LIPC: variants seen among roughly 807,000 people sequenced by gnomAD.
The protein encoded by LIPC is lipase C, hepatic type, also known as hepatic triacylglycerol lipase.
Under a neutral mutation model 50.7 loss-of-function variants are expected in LIPC, and 44 were observed. That is an observed-to-expected ratio of 0.87 (90% CI 0.68 to 1.11). The LOEUF (loss-of-function observed/expected upper bound fraction) is 1.11. Ranked by LOEUF, LIPC falls within the 50% of genes most tolerant of loss-of-function variation. LIPC has a pLI of 0.00. For missense variants in LIPC, 697 were observed against 648.2 expected (o/e 1.08, Z -0.82); for synonymous variants, 271 against 256.4 (o/e 1.06, Z -0.54).
chr15:58,481,714 G>C (rs1891195818), intron 1 of LIPC, among the ~76,000 whole-genome samples: 1 of 152,204 alleles, frequency 6.6e-6, no homozygotes, highest in Non-Finnish European at 1.5e-5. Context: ...AGGGAGAATT[G>C]CTTGAACCTG....
chr15:58,451,230 G>A (rs1488706907), intron 1 of LIPC, among the ~76,000 whole-genome samples: 1 of 152,118 alleles, frequency 6.6e-6, no homozygotes, highest in African/African-American at 2.4e-5. Flanking sequence ...TGGGGTGGAG[G>A]AAAGTCAACA....
chr15:58,513,154 G>T lies in LIPC; in HGVS notation c.89-25179G>T, dbSNP rs117697391. On this transcript the variant is annotated intron_variant, in intron 1 of 8. Transcript: ENST00000299022. ...CCGCTCAGCACAGTCTGGAATCAAGGGTTCATTTAATGGAAGCTTAACAGA... is the reference window on the plus strand; with the variant it reads ...CCGCTCAGCACAGTCTGGAATCAAGTGTTCATTTAATGGAAGCTTAACAGA... Among the ~76,000 whole-genome samples the T allele has an allele frequency of 4.3e-4, 66 of 152,178 alleles. No individual in the cohort carries two copies. The East Asian group carries it at 0.011, about 25-fold the overall frequency.
intron 1 of LIPC, among the ~76,000 whole-genome samples, chr15:58,508,064 C>T (rs995040168): frequency 1.3e-5 from 2 of 152,218 alleles, no homozygotes; most frequent in Non-Finnish European, 2.9e-5. Context: ...TGTTGACAGA[C>T]TTCAGTCTTT....
rs540852335 is a variant in LIPC at position 58,450,187 on chromosome 15, G to A, written c.88+18067G>A. On this transcript the variant is annotated intron_variant, in intron 1 of 8. Coordinates refer to ENST00000299022, the MANE Select transcript of LIPC (RefSeq NM_000236.3). ...CTTCTGGTCTTTCGCGTTTCTGAGC[G>A]TGGTGTGGAAACTGAGTCAGGAGCT... 8.5e-5 allele frequency among the ~76,000 whole-genome samples: 13 copies of A among 152,334 alleles called. 1 individual carries two copies. The South Asian group carries it at 1.4e-3, about 17-fold the overall frequency.
At chr15:58,488,862 A>G (rs1444334383) in intron 1 of LIPC, among the ~76,000 whole-genome samples, 1 of 152,180 alleles carries the variant, frequency 6.6e-6, no homozygotes, top group Non-Finnish European at 1.5e-5. Flanking sequence ...TCCCTATTAC[A>G]TCTCAGGATG....
At chr15:58,501,368 G>T (rs34101191) in intron 1 of LIPC, among the ~76,000 whole-genome samples, 9 of 139,866 alleles carry the variant, frequency 6.4e-5, no homozygotes, top group African/African-American at 1.6e-4. Flanking sequence ...TTTTTTTAAT[G>T]CCTGAAGTTT....
chr15:58,491,700 T>C (rs1377643903), intron 1 of LIPC, among the ~76,000 whole-genome samples: 3 of 152,174 alleles, frequency 2.0e-5, no homozygotes, highest in African/African-American at 4.8e-5. Flanking sequence ...TGGTAAAACT[T>C]CTGGGACAAG....
chr15:58,538,646 C>T (rs1893223231), intron 2 of LIPC, 129 bp downstream of exon 2: 7 of 918,762 alleles, frequency 7.6e-6, no homozygotes, highest in South Asian at 5.5e-5. Flanking sequence ...TTATGAAGCA[C>T]GTTCTAATTT....
chr15:58,546,011 A>G (rs1363934732), intron 5 of LIPC, 36 bp downstream of exon 5: 1 of 1,499,420 alleles, frequency 6.7e-7, no homozygotes, highest in Non-Finnish European at 9.3e-7. Context: ...GCACCGGCCT[A>G]CATTTCAATG....
intron 1 of LIPC, among the ~76,000 whole-genome samples, chr15:58,451,252 A>G (rs1309592830): frequency 6.6e-6 from 1 of 152,214 alleles, no homozygotes; most frequent in Non-Finnish European, 1.5e-5. Context: ...ATTTGGAGAT[A>G]CGAAAAAGGC....
intron 1 of LIPC, among the ~76,000 whole-genome samples, chr15:58,500,620 T>C (rs758728835): frequency 5.9e-5 from 9 of 152,182 alleles, no homozygotes; most frequent in Non-Finnish European, 1.2e-4. Context: ...ACTGTTTTCA[T>C]ATGTGCTGCT....
At chr15:58,533,082 C>G in intron 1 of LIPC, 4 of 812,748 alleles carry the variant, frequency 4.9e-6, no homozygotes, top group Non-Finnish European at 5.9e-6. Context: ...GATCACTTAC[C>G]TCAATTTAAT....
At chr15:58,492,147 G>C (rs1353692110) in intron 1 of LIPC, among the ~76,000 whole-genome samples, 1 of 152,092 alleles carries the variant, frequency 6.6e-6, no homozygotes. Context: ...AGAAGAACAA[G>C]CACCCTCCCC....
chr15:58,516,862 T>A (rs1892502745), intron 1 of LIPC, among the ~76,000 whole-genome samples: 2 of 152,240 alleles, frequency 1.3e-5, no homozygotes, highest in Admixed American at 6.5e-5. Context: ...TTTTCCTGCT[T>A]CTTTGCATGC....
At chr15:58,437,904 GC>G (rs560662415) in intron 1 of LIPC, among the ~76,000 whole-genome samples, 2 of 152,266 alleles carry the variant, frequency 1.3e-5, no homozygotes, top group South Asian at 4.1e-4. Flanking sequence ...CTACAGCTGA[GC>G]AGGTCTGTGG....
Position 58,470,965 on chromosome 15 carries a change from T to C in LIPC, c.88+38845T>C, listed in dbSNP as rs1376861865. ...ATACCTAACACCTCTCTAATCTTTC[T>C]AGAAATGGGTAAGAAAAGCTTCCAT... On this transcript the variant is annotated intron_variant, in intron 1 of 8. Transcript: ENST00000299022. Among the ~76,000 whole-genome samples the C allele has an allele frequency of 2.6e-5, 4 of 152,028 alleles. No individual in the cohort carries two copies. In the East Asian group the frequency reaches 7.7e-4, roughly 29 times the overall value.
intron 1 of LIPC, among the ~76,000 whole-genome samples, chr15:58,439,999 T>C (rs766157817): frequency 5.3e-5 from 8 of 152,136 alleles, no homozygotes; most frequent in Non-Finnish European, 1.0e-4. Flanking sequence ...CTTTCTAGGG[T>C]TGAAGGGGTG....
Position 58,458,071 on chromosome 15 carries a change from A to C in LIPC, c.88+25951A>C, listed in dbSNP as rs369709681. On this transcript the variant is annotated intron_variant, in intron 1 of 8. Transcript: ENST00000299022. ...TAGACAATAACAAAAATTAAATGGC[A>C]AAAGTCCTTGCTGTCCTTAGTAGCT... is the stretch of plus-strand genomic sequence containing the variant. Among the ~76,000 whole-genome samples the C allele has an allele frequency of 3.3e-5, 5 of 152,244 alleles. No individual in the cohort carries two copies. The East Asian group carries it at 7.7e-4, about 23-fold the overall frequency.
chr15:58,538,584 T>A (rs1445602289), intron 2 of LIPC, 67 bp downstream of exon 2: 2 of 1,487,672 alleles, frequency 1.3e-6, no homozygotes, highest in African/African-American at 2.8e-5. Context: ...TCTAGCGTGT[T>A]CATGTTCATA....
Sources: allele counts gnomAD v4.1 joint callset (sites outside exome capture counted in the v4.1 genomes callset), GRCh38; gene constraint gnomAD v4.1.1; transcripts MANE v1.5; gene names NCBI Gene and HGNC (gene_info 2026-07-23, HGNC 2026-07-21).